CHEK1: variants seen among roughly 807,000 people sequenced by gnomAD.
CHEK1 encodes serine/threonine-protein kinase Chk1.
In CHEK1, 32 loss-of-function variants were observed where a neutral mutation model predicts 60.2. The ratio of observed to expected loss-of-function variants is 0.53; its 90% CI spans 0.40 to 0.71. The LOEUF (loss-of-function observed/expected upper bound fraction) is 0.71, where lower values mean the gene tolerates loss of function less well. Ranked by LOEUF, CHEK1 falls within the 30% of genes least tolerant of loss-of-function variation. The pLI is 0.00. For synonymous variants in CHEK1, 179 were observed against 187.2 expected (o/e 0.96, Z 0.36); for missense variants, 399 against 564.6 (o/e 0.71, Z 2.97).
At chr11:125,639,537 T>A (rs1201808029) in intron 8 of CHEK1, among the ~76,000 whole-genome samples, 6 of 151,836 alleles carry the variant, frequency 4.0e-5, no homozygotes, top group Non-Finnish European at 7.4e-5. Context: ...CCACCACACC[T>A]GGCTAATTTT....
At position 125,633,231 on chromosome 11, in the gene CHEK1, A is replaced by G; in HGVS notation, c.493A>G (p.Asn165Asp). The change falls in exon 6 of 13, where the codon AAC (asparagine) becomes GAC (aspartate). Residue 165 changes from asparagine to aspartate, a missense_variant. By Grantham distance (23) the Asn-to-Asp change is conservative (BLOSUM62 1). Transcript: ENST00000438015. ...GTATAATAATCGTGAGCGTTTGTTG[A>G]ACAAGATGTGTGGTACTTTACCATA... ...FRYNNRERLL[N>D]KMCGTLPYVA... is the part of the protein sequence containing the mutation. 1 of 1,606,920 alleles carries G rather than the reference A, an allele frequency of 6.2e-7. No homozygotes were observed. Among genetic ancestry groups the G allele is most frequent in the Non-Finnish European group, 8.5e-7 (1 of 1,178,324 alleles).
intron 6 of CHEK1, among the ~76,000 whole-genome samples, chr11:125,634,032 C>G (rs1463653376): frequency 7.8e-6 from 1 of 128,446 alleles, no homozygotes; most frequent in African/African-American, 2.9e-5. Flanking sequence ...GAGTCTTGCT[C>G]TGTCACCCAC....
intron 2 of CHEK1, 95 bp from the exon 3 acceptor site, chr11:125,627,512 A>AGG: frequency 2.0e-6 from 2 of 975,800 alleles, no homozygotes; most frequent in Non-Finnish European, 1.5e-6. Flanking sequence ...GGAAAAAGTA[A>AGG]TAGAGGTAAA....
intron 11 of CHEK1, among the ~76,000 whole-genome samples, chr11:125,648,891 A>T (rs1941605948): frequency 6.6e-6 from 1 of 151,936 alleles, no homozygotes; most frequent in African/African-American, 2.4e-5. Context: ...CCCTTTATTA[A>T]TATAGCTTGA....
intron 13 of CHEK1, among the ~76,000 whole-genome samples, chr11:125,667,892 G>A (rs1474376889): frequency 6.6e-6 from 1 of 152,100 alleles, no homozygotes; most frequent in Admixed American, 6.5e-5. Context: ...AAAAGTGCTG[G>A]GATTACAGGC....
At chr11:125,677,769 G>A, downstream of CHEK1, 2 of 1,610,422 alleles carry the variant, frequency 1.2e-6, no homozygotes, top group Non-Finnish European at 1.7e-6. Context: ...TGAAGTCAAT[G>A]ACTGGCACCC....
chr11:125,639,887 AT>A (rs1274908189), intron 8 of CHEK1, among the ~76,000 whole-genome samples: 2 of 152,112 alleles, frequency 1.3e-5, no homozygotes, highest in African/African-American at 4.8e-5. Flanking sequence ...TACCCACTCA[AT>A]GACTTTGTCT....
chr11:125,667,516 A>G (rs1942121219), intron 13 of CHEK1, among the ~76,000 whole-genome samples: 1 of 152,112 alleles, frequency 6.6e-6, no homozygotes, highest in Admixed American at 6.5e-5. Flanking sequence ...AGGGTTTTTC[A>G]TGTATGGACT....
chr11:125,663,579 T>C (rs553976283), intron 13 of CHEK1, among the ~76,000 whole-genome samples: 4 of 152,278 alleles, frequency 2.6e-5, no homozygotes, highest in Admixed American at 1.3e-4. Flanking sequence ...CGTTGAATTA[T>C]GTGGTTTGCA....
At chr11:125,670,180 A>T (rs1017498076) in intron 13 of CHEK1, among the ~76,000 whole-genome samples, 1 of 152,124 alleles carries the variant, frequency 6.6e-6, no homozygotes, top group Non-Finnish European at 1.5e-5. Flanking sequence ...AATAATTTCC[A>T]TTGGTTCATT....
At chr11:125,644,750 T>G in intron 11 of CHEK1, 107 bp downstream of exon 11, 3 of 1,269,024 alleles carry the variant, frequency 2.4e-6, no homozygotes, top group Non-Finnish European at 3.2e-6. Context: ...GGCTCACACC[T>G]GTAATCCCAG....
intron 13 of CHEK1, among the ~76,000 whole-genome samples, chr11:125,664,080 A>G (rs1430761138): frequency 6.6e-6 from 1 of 152,020 alleles, no homozygotes; most frequent in East Asian, 1.9e-4. Flanking sequence ...ACTTAGTGCT[A>G]TGCTGTTTTG....
chr11:125,680,240 A>G (rs1942736037), downstream of CHEK1, among the ~76,000 whole-genome samples: 1 of 152,210 alleles, frequency 6.6e-6, no homozygotes, highest in South Asian at 2.1e-4. Flanking sequence ...AAAAGAAGAG[A>G]TGATACAGAA....
chr11:125,670,455 C>CGAGA (rs1257567788), intron 13 of CHEK1, among the ~76,000 whole-genome samples: 1 of 152,172 alleles, frequency 6.6e-6, no homozygotes, highest in Non-Finnish European at 1.5e-5. Context: ...ATTCTGTACT[C>CGAGA]TTCTGTTCCT....
chr11:125,647,105 G>A (rs185635047), intron 11 of CHEK1, among the ~76,000 whole-genome samples: 6 of 152,166 alleles, frequency 3.9e-5, no homozygotes, highest in South Asian at 2.1e-4. Flanking sequence ...CCTAAGTAGC[G>A]GGGACTACAG....
chr11:125,644,008 A>T (rs905098120), intron 9 of CHEK1, 83 bp from the exon 10 acceptor site: 1 of 1,538,412 alleles, frequency 6.5e-7, no homozygotes, highest in Non-Finnish European at 8.9e-7. Context: ...TACTGTAAGC[A>T]TGAGAACTTG....
At chr11:125,648,814 G>A (rs943289857) in intron 11 of CHEK1, among the ~76,000 whole-genome samples, 2 of 152,020 alleles carry the variant, frequency 1.3e-5, no homozygotes, top group South Asian at 4.2e-4. Context: ...TGTTTTTATG[G>A]TGAAAGAGTA....
At chr11:125,676,437 G>T, downstream of CHEK1, 1 of 1,614,072 alleles carries the variant, frequency 6.2e-7, no homozygotes, top group South Asian at 1.1e-5. Context: ...CATTTTCCTT[G>T]ATCATTCATA....
intron 5 of CHEK1, among the ~76,000 whole-genome samples, chr11:125,631,896 C>CACAGTAGCT (rs555529079): frequency 2.9e-4 from 39 of 136,446 alleles, no homozygotes; most frequent in Non-Finnish European, 4.7e-4. Context: ...AAAGGGTAAT[C>CACAGTAGCT]ACAGTAGCTA....
Sources: allele counts gnomAD v4.1 joint callset (sites outside exome capture counted in the v4.1 genomes callset), GRCh38; gene constraint gnomAD v4.1.1; transcripts MANE v1.5; gene names NCBI Gene and HGNC (gene_info 2026-07-23, HGNC 2026-07-21).